Variants in IL1RAPL2 observed in about 807,000 individuals in gnomAD.
IL1RAPL2 encodes interleukin 1 receptor accessory protein like 2, also known as X-linked interleukin-1 receptor accessory protein-like 2.
A neutral mutation model predicts 44.1 loss-of-function variants in IL1RAPL2; 3 were observed. The ratio of observed to expected loss-of-function variants is 0.07; its 90% CI spans 0.03 to 0.18. The LOEUF (loss-of-function observed/expected upper bound fraction) is 0.18, where lower values mean the gene tolerates loss of function less well. Among genes scored for constraint, IL1RAPL2 ranks in the 10% least tolerant of loss-of-function variants. The probability of loss-of-function intolerance (pLI) is 1.00; values close to 1 mark genes in which losing one functional copy is unlikely to be tolerated. For synonymous variants in IL1RAPL2, 181 were observed against 178.8 expected (o/e 1.01, Z -0.10); for missense variants, 391 against 496.4 (o/e 0.79, Z 2.02).
At chrX:105,282,043 G>A (rs2034536604) in intron 5 of IL1RAPL2, among the ~76,000 whole-genome samples, 1 of 111,641 alleles carries the variant, frequency 9.0e-6, no homozygotes, top group South Asian at 3.7e-4. Context: ...CATATAAATA[G>A]GTATTAATAT....
intron 2 of IL1RAPL2, among the ~76,000 whole-genome samples, chrX:105,178,507 A>G (rs975582277): frequency 8.9e-6 from 1 of 111,962 alleles, no homozygotes; most frequent in African/African-American, 3.3e-5. Flanking sequence ...GGATTGCCAG[A>G]TTGTATGGTA....
At chrX:105,024,863 T>G (rs1488919104) in intron 2 of IL1RAPL2, among the ~76,000 whole-genome samples, 2 of 111,307 alleles carry the variant, frequency 1.8e-5, no homozygotes, top group Non-Finnish European at 3.8e-5. Context: ...TCTTTCCAAC[T>G]TCTGATGTAT....
chrX:104,897,155 G>T (rs1923676335), intron 2 of IL1RAPL2, among the ~76,000 whole-genome samples: 1 of 111,976 alleles, frequency 8.9e-6, no homozygotes, highest in Non-Finnish European at 1.9e-5. Context: ...AGGCTCAGCT[G>T]GTCACTTATC....
chrX:104,674,777 C>T (rs1189843226), intron 2 of IL1RAPL2, among the ~76,000 whole-genome samples: 3 of 110,677 alleles, frequency 2.7e-5, no homozygotes, highest in East Asian at 5.7e-4. Context: ...ATTTCAGATC[C>T]TGTTATTGGT....
chrX:104,635,860 G>T (rs192358849), intron 1 of IL1RAPL2, among the ~76,000 whole-genome samples: 1 of 111,997 alleles, frequency 8.9e-6, no homozygotes, highest in East Asian at 2.8e-4. Flanking sequence ...GTCATTCTCC[G>T]TCCAGCTTTG....
At chrX:104,677,787 T>G in intron 2 of IL1RAPL2, among the ~76,000 whole-genome samples, 1 of 112,078 alleles carries the variant, frequency 8.9e-6, no homozygotes, top group Non-Finnish European at 1.9e-5. Context: ...GTTGTGGGAT[T>G]TAATCTCGTG....
At chrX:104,903,961 T>C (rs753318113) in intron 2 of IL1RAPL2, among the ~76,000 whole-genome samples, 2 of 111,650 alleles carry the variant, frequency 1.8e-5, no homozygotes, top group Non-Finnish European at 3.8e-5. Flanking sequence ...AACTAGCAAA[T>C]GTCAAAGCAG....
chrX:105,331,721 A>G (rs2034988062), intron 5 of IL1RAPL2, among the ~76,000 whole-genome samples: 1 of 111,943 alleles, frequency 8.9e-6, no homozygotes, highest in African/African-American at 3.2e-5. Context: ...TCCAATTAGA[A>G]TAACAGGCAT....
chrX:105,029,813 T>C (rs59451058), intron 2 of IL1RAPL2, among the ~76,000 whole-genome samples: 6,927 of 111,190 alleles, frequency 0.062, 593 homozygotes, highest in African/African-American at 0.22. Flanking sequence ...TCTAGATCCC[T>C]GAGGAATTGC....
At chrX:104,724,245 A>G (rs2147566048) in intron 2 of IL1RAPL2, among the ~76,000 whole-genome samples, 1 of 111,364 alleles carries the variant, frequency 9.0e-6, no homozygotes, top group South Asian at 3.8e-4. Flanking sequence ...GTCACTCACA[A>G]TGCGACAGAG....
intron 2 of IL1RAPL2, among the ~76,000 whole-genome samples, chrX:105,163,070 G>A (rs2033340849): frequency 1.8e-5 from 2 of 111,484 alleles, no homozygotes; most frequent in South Asian, 7.5e-4. Flanking sequence ...ATGACCCAGG[G>A]GCTAAATCTG....
At chrX:104,682,965 A>G (rs1930915654) in intron 2 of IL1RAPL2, among the ~76,000 whole-genome samples, 1 of 111,669 alleles carries the variant, frequency 9.0e-6, no homozygotes, top group South Asian at 3.8e-4. Context: ...TCTTGCTCTT[A>G]TAACTGCTAA....
At chrX:105,168,757 C>A (rs1469097157) in intron 2 of IL1RAPL2, among the ~76,000 whole-genome samples, 1 of 105,553 alleles carries the variant, frequency 9.5e-6, no homozygotes, top group Non-Finnish European at 2.0e-5. Context: ...TTTTTTTTTT[C>A]TATTCAGGCC....
At chrX:105,480,217 T>C (rs5916915) in intron 5 of IL1RAPL2, among the ~76,000 whole-genome samples, 3 of 112,326 alleles carry the variant, frequency 2.7e-5, no homozygotes, top group Non-Finnish European at 5.6e-5. Flanking sequence ...TTATTTTTTA[T>C]ACTAAGTTCA....
intron 6 of IL1RAPL2, among the ~76,000 whole-genome samples, chrX:105,671,249 T>C (rs2037822746): frequency 1.8e-5 from 2 of 112,171 alleles, no homozygotes; most frequent in Admixed American, 1.9e-4. Context: ...GCCTGGCTGG[T>C]TTTTATATTT....
intron 1 of IL1RAPL2, among the ~76,000 whole-genome samples, chrX:104,630,904 A>T (rs1367766280): frequency 9.2e-6 from 1 of 108,760 alleles, no homozygotes; most frequent in African/African-American, 3.4e-5. Flanking sequence ...TTAGTTACAT[A>T]TGTATACATG....
Position 105,673,020 on chromosome X carries a change from A to AG in IL1RAPL2, c.773-44346dup, listed in dbSNP as rs958362392. On this transcript the variant is annotated intron_variant, in intron 6 of 10. Coordinates refer to ENST00000372582, the MANE Select transcript of IL1RAPL2 (RefSeq NM_017416.2). ...TCATCCCTTGTGTCCTGTAGTCCTTAGCCTGTCTGCCTTCTTCTCCCTGTT... is the reference window on the plus strand; with the variant it reads ...TCATCCCTTGTGTCCTGTAGTCCTTAGGCCTGTCTGCCTTCTTCTCCCTGTT... 5.4e-5 allele frequency among the ~76,000 whole-genome samples: 6 copies of AG among 111,051 alleles called. No individual in the cohort carries two copies. In the Admixed American group the frequency reaches 5.8e-4, roughly 11 times the overall value.
intron 2 of IL1RAPL2, among the ~76,000 whole-genome samples, chrX:104,751,027 T>C (rs1306104322): frequency 9.0e-6 from 1 of 111,126 alleles, no homozygotes; most frequent in African/African-American, 3.3e-5. Flanking sequence ...AACTCTACAA[T>C]CAGTTAATTT....
intron 2 of IL1RAPL2, among the ~76,000 whole-genome samples, chrX:105,046,340 C>A (rs763900004): frequency 1.8e-5 from 2 of 111,670 alleles, no homozygotes; most frequent in Non-Finnish European, 3.8e-5. Flanking sequence ...CCATGAATGA[C>A]TCTTACCCTA....
Sources: gnomAD v4.1 joint callset for allele counts (sites outside exome capture counted in the v4.1 genomes callset) on GRCh38, gnomAD v4.1.1 for gene constraint, MANE v1.5 for transcripts, NCBI Gene and HGNC (gene_info 2026-07-23, HGNC 2026-07-21) for gene names.